The following MBNL2 variants were observed in gnomAD, a reference collection of about 807,000 sequenced individuals.
The protein encoded by MBNL2 is muscleblind-like protein 2.
Under a neutral mutation model 41.9 loss-of-function variants are expected in MBNL2, and 17 were observed. The ratio of observed to expected loss-of-function variants is 0.41; its 90% confidence interval spans 0.28 to 0.61. MBNL2 has a LOEUF of 0.61. Ranked by LOEUF, MBNL2 falls within the 20% of genes least tolerant of loss-of-function variation. The pLI is 0.35. For missense variants in MBNL2, 336 were observed against 505.6 expected (o/e 0.66, Z 3.22); for synonymous variants, 195 against 182.9 (o/e 1.07, Z -0.53).
At chr13:97,217,678 G>A (rs2040490006), upstream of MBNL2, among the ~76,000 whole-genome samples, 1 of 152,196 alleles carries the variant, frequency 6.6e-6, no homozygotes, top group African/African-American at 2.4e-5. Flanking sequence ...CAAGAGGAGG[G>A]TGAAAGAAGA....
intron 8 of MBNL2, among the ~76,000 whole-genome samples, chr13:97,372,346 A>T (rs1307906097): frequency 2.6e-5 from 4 of 152,240 alleles, no homozygotes; most frequent in Non-Finnish European, 4.4e-5. Context: ...AAGATTAAGT[A>T]CATTCAACAG....
intron 1 of MBNL2, among the ~76,000 whole-genome samples, chr13:97,232,263 T>C (rs1421389406): frequency 6.6e-6 from 1 of 152,134 alleles, no homozygotes; most frequent in Non-Finnish European, 1.5e-5. Context: ...TGGCCCCCTC[T>C]TTCCTAGAAC....
the MBNL2 span, among the ~76,000 whole-genome samples, chr13:97,153,441 T>C: frequency 6.6e-6 from 1 of 152,100 alleles, no homozygotes; most frequent in East Asian, 1.9e-4. Flanking sequence ...TAGGTACATG[T>C]AGATATAATC....
rs1248700497 is a variant in MBNL2 at position 97,391,613 on chromosome 13, T to C, written c.*164T>C. 6 of 567,094 alleles carry C rather than the reference T, an allele frequency of 1.1e-5. No homozygotes were observed. The highest frequency in any genetic ancestry group is 9.2e-6 in the Non-Finnish European group (3 of 325,020). The allele number at this position is 567,094 out of a possible 1,614,324, so 35.1% of individuals were successfully genotyped here. On this transcript the variant is annotated 3_prime_UTR_variant, in exon 9 of 9. Transcript: ENST00000679496. Reference sequence around the variant, plus strand: ...AAGACATAAAGGATAAAGTTTACTTTTAAAGGGTTTCTAAACATAGTTTCT... The same window carrying C: ...AAGACATAAAGGATAAAGTTTACTTCTAAAGGGTTTCTAAACATAGTTTCT...
intron 2 of MBNL2, among the ~76,000 whole-genome samples, chr13:97,278,210 C>T (rs1328396915): frequency 1.4e-5 from 2 of 139,796 alleles, no homozygotes; most frequent in African/African-American, 5.4e-5. Context: ...GCCAAGATTG[C>T]CCCACTGCAC....
In MBNL2 at chr13:97,268,104, T is replaced by TTC. The variant is rs1566377953; in HGVS notation, c.-604-7528_-604-7527insTC. The stretch of plus-strand genomic sequence containing the variant: ...TCCTTCCTTCCTTCCTTCCTTCCTT[T>TTC]CTTTCTTTTGAGACAGCGTCGCTCT... On this transcript the variant is annotated intron_variant, in intron 1 of 8. Transcript: ENST00000679496. This position sits in a 1 kb window ranked among gnomAD's most constrained non-coding sequence, Gnocchi z 4.6. 2.6e-4 allele frequency among the ~76,000 whole-genome samples: 29 copies of TTC among 111,198 alleles called. No individual in the cohort carries two copies. In the East Asian group the frequency reaches 3.6e-3, roughly 14 times the overall value. 73.0% of individuals were successfully genotyped at this position (111,198 alleles called of 152,430 possible).
At chr13:97,215,414 A>T in the MBNL2 span, among the ~76,000 whole-genome samples, 1 of 152,228 alleles carries the variant, frequency 6.6e-6, no homozygotes, top group Non-Finnish European at 1.5e-5. Context: ...AGCTCAAGGT[A>T]ATTCATGATT....
At chr13:97,176,528 G>A in the MBNL2 span, among the ~76,000 whole-genome samples, 8 of 152,186 alleles carry the variant, frequency 5.3e-5, no homozygotes, top group South Asian at 4.2e-4. Context: ...AAGCCTCTCC[G>A]GAGCATTATA....
chr13:97,146,151 C>T, the MBNL2 span, among the ~76,000 whole-genome samples: 9 of 139,850 alleles, frequency 6.4e-5, no homozygotes, highest in Admixed American at 1.4e-4. Flanking sequence ...CCACTACAAC[C>T]GGCTAATTTT....
chr13:97,287,161 A>C (rs2054630281), intron 2 of MBNL2, among the ~76,000 whole-genome samples: 1 of 152,200 alleles, frequency 6.6e-6, no homozygotes, highest in South Asian at 2.1e-4. Context: ...AAGGTGTGGC[A>C]GGCTCACTCG....
chr13:97,279,720 A>T (rs147286862), intron 2 of MBNL2, among the ~76,000 whole-genome samples: 27 of 152,344 alleles, frequency 1.8e-4, no homozygotes, highest in African/African-American at 6.0e-4. Context: ...GTATGGGGAC[A>T]AGTCAATCTG....
chr13:97,252,413 A>G (rs1233202882), intron 1 of MBNL2, among the ~76,000 whole-genome samples: 2 of 152,202 alleles, frequency 1.3e-5, no homozygotes. Flanking sequence ...AGCCTCCCCA[A>G]CAATAAAAAA....
rs3055758 is a variant in MBNL2, at chr13:97,346,243, A to AGATG, written c.541-533_541-530dup. ...AAATAATGATAGATTAACAGATAAT[A>AGATG]GATGGATGGATGGATGGATGGATGG... On this transcript the variant is annotated intron_variant, in intron 4 of 8. Transcript: ENST00000679496. This position sits in a 1 kb window ranked among gnomAD's most constrained non-coding sequence, Gnocchi z 4.2. 4.9e-3 allele frequency among the ~76,000 whole-genome samples: 743 copies of AGATG among 151,024 alleles called. 6 individuals are homozygous for AGATG. The highest frequency in any genetic ancestry group is 0.021 in the East Asian group (109 of 5,114).
intron 2 of MBNL2, among the ~76,000 whole-genome samples, chr13:97,283,290 A>G (rs992608233): frequency 1.3e-5 from 2 of 152,090 alleles, no homozygotes; most frequent in African/African-American, 4.8e-5. Context: ...CTCTGTGCCA[A>G]TGAATTCCAA....
At chr13:97,298,975 A>G (rs762196775) in intron 2 of MBNL2, among the ~76,000 whole-genome samples, 13 of 152,166 alleles carry the variant, frequency 8.5e-5, no homozygotes, top group Non-Finnish European at 1.8e-4. Context: ...CTGTAATCTC[A>G]TAGTATAATG....
intron 2 of MBNL2, among the ~76,000 whole-genome samples, chr13:97,310,418 C>CTT (rs564428431): frequency 6.9e-6 from 1 of 145,852 alleles, no homozygotes; most frequent in African/African-American, 2.5e-5. Context: ...CCTCCTATTT[C>CTT]TTTTTTTTTT....
intron 1 of MBNL2, among the ~76,000 whole-genome samples, chr13:97,250,934 C>T (rs980500911): frequency 1.3e-5 from 2 of 152,090 alleles, no homozygotes; most frequent in Non-Finnish European, 2.9e-5. Context: ...GGTTACTTCT[C>T]TCCAGCCAAC....
the MBNL2 span, among the ~76,000 whole-genome samples, chr13:97,207,447 C>T: frequency 1.3e-5 from 2 of 152,172 alleles, no homozygotes; most frequent in Non-Finnish European, 2.9e-5. Flanking sequence ...AGGAGCAAGT[C>T]ACATCTTACA....
At chr13:97,365,232 A>T in intron 8 of MBNL2, 61 bp downstream of exon 8, 2 of 1,060,126 alleles carry the variant, frequency 1.9e-6, no homozygotes, top group Non-Finnish European at 3.0e-6. Flanking sequence ...ACTTGCTTGA[A>T]ATTTATTTCA....
Sources: gnomAD v4.1 joint callset for allele counts (sites outside exome capture counted in the v4.1 genomes callset) on GRCh38, gnomAD v4.1.1 for gene constraint, Gnocchi (gnomAD v3.1) non-coding constraint, MANE v1.5 for transcripts, NCBI Gene and HGNC (gene_info 2026-07-23, HGNC 2026-07-21) for gene names.